MYO6: variants seen among roughly 807,000 people sequenced by gnomAD.
MYO6 encodes myosin VI, also known as unconventional myosin-VI.
A neutral mutation model predicts 178.7 loss-of-function variants in MYO6; 74 were observed. The observed-to-expected ratio is 0.41, with a 90% CI of 0.34 to 0.50. MYO6 has a LOEUF of 0.50. MYO6 is among the 20% of genes least tolerant of loss of function. The probability of loss-of-function intolerance (pLI) is 0.09; values close to 1 mark genes in which losing one functional copy is unlikely to be tolerated. For synonymous variants in MYO6, 477 were observed against 504.6 expected (o/e 0.95, Z 0.73); for missense variants, 1,330 against 1,547.4 (o/e 0.86, Z 2.36).
intron 7 of MYO6, among the ~76,000 whole-genome samples, chr6:75,838,923 G>A (rs1423704419): frequency 6.6e-6 from 1 of 151,984 alleles, no homozygotes; most frequent in Non-Finnish European, 1.5e-5. Flanking sequence ...GCCTCCCAAA[G>A]TGCTGGGATT....
At chr6:75,886,780 A>G (rs1194174976) in intron 24 of MYO6, 64 bp from the exon 25 acceptor site, 2 of 1,494,956 alleles carry the variant, frequency 1.3e-6, no homozygotes, top group Non-Finnish European at 1.9e-6. Flanking sequence ...CATTTTATAA[A>G]TGAAAAATCT....
chr6:75,752,284 A>G (rs535814426), intron 1 of MYO6, among the ~76,000 whole-genome samples: 1 of 152,346 alleles, frequency 6.6e-6, no homozygotes, highest in South Asian at 2.1e-4. Flanking sequence ...ATAGAGTTTA[A>G]TTATGATACC....
At chr6:75,827,964 T>C (rs974947592) in intron 3 of MYO6, among the ~76,000 whole-genome samples, 1 of 152,228 alleles carries the variant, frequency 6.6e-6, no homozygotes, top group Non-Finnish European at 1.5e-5. Flanking sequence ...GAGTCAGTTC[T>C]GACACTTCAG....
chr6:75,781,321 C>G lies in MYO6; in HGVS notation c.-48+31898C>G, dbSNP rs372950343. Among the ~76,000 whole-genome samples, 112 of 152,118 alleles carry G rather than the reference C, an allele frequency of 7.4e-4. No homozygotes were observed. In the South Asian group the frequency reaches 0.011, roughly 15 times the overall value. On this transcript the variant is annotated intron_variant, in intron 1 of 34. Coordinates refer to ENST00000369977, the MANE Select transcript of MYO6 (RefSeq NM_004999.4). The stretch of plus-strand genomic sequence containing the variant: ...GGAGAGATTTGCTTAATTTTTGAAG[C>G]AGAGAGTAGAAATGCAATACAGGAA...
chr6:75,760,951 A>AT (rs112143137), intron 1 of MYO6, among the ~76,000 whole-genome samples: 18 of 151,246 alleles, frequency 1.2e-4, no homozygotes, highest in African/African-American at 2.7e-4. Context: ...CTTCCTTGTT[A>AT]TTTTTTTTCT....
intron 30 of MYO6, among the ~76,000 whole-genome samples, chr6:75,901,858 G>A (rs1399383958): frequency 2.0e-5 from 3 of 152,142 alleles, no homozygotes; most frequent in African/African-American, 7.2e-5. Context: ...ATTGGCTGTG[G>A]GTTTGTCATA....
intron 7 of MYO6, among the ~76,000 whole-genome samples, chr6:75,836,941 C>A (rs1019648735): frequency 6.6e-6 from 1 of 152,144 alleles, no homozygotes; most frequent in African/African-American, 2.4e-5. Context: ...CAACATCATG[C>A]CCTAGATTCA....
Position 75,915,326 on chromosome 6 carries a change from A to G in MYO6, c.*314A>G, listed in dbSNP as rs1279297766. The G allele has an allele frequency of 2.6e-6, 1 of 382,252 alleles. No homozygotes were observed. The highest frequency in any genetic ancestry group is 2.1e-5 in the African/African-American group (1 of 48,656). The allele number at this position is 382,252 out of a possible 1,614,324, so 23.7% of individuals were successfully genotyped here. Reference sequence around the variant, plus strand: ...CTTACATCCATCGTAATTGTTCTCTAGGAAAAGAGAACTTTTTTCAAAATT... The same window carrying G: ...CTTACATCCATCGTAATTGTTCTCTGGGAAAAGAGAACTTTTTTCAAAATT... On this transcript the variant is annotated 3_prime_UTR_variant, in exon 35 of 35. Transcript: ENST00000369977.
At chr6:75,880,022 T>A in intron 21 of MYO6, 21 bp from the exon 22 acceptor site, 1 of 1,613,306 alleles carries the variant, frequency 6.2e-7, no homozygotes, top group Non-Finnish European at 8.5e-7. Flanking sequence ...GACATTTAAC[T>A]TTTTAACTTT....
chr6:75,878,735 G>A (rs1460006756), intron 20 of MYO6, among the ~76,000 whole-genome samples: 1 of 152,136 alleles, frequency 6.6e-6, no homozygotes, highest in African/African-American at 2.4e-5. Context: ...TTTTCCAAAT[G>A]GCTTGCCGTT....
At chr6:75,810,037 T>A (rs1657494669) in intron 1 of MYO6, among the ~76,000 whole-genome samples, 1 of 149,998 alleles carries the variant, frequency 6.7e-6, no homozygotes, top group Non-Finnish European at 1.5e-5. Context: ...TGAGCCCAGA[T>A]TGCCCCATTG....
In MYO6 at chr6:75,892,661, T is replaced by C; in HGVS notation, c.3078T>C (p.Asp1026=). The change falls in exon 28 of 35, where the codon GAT becomes GAC. Residue 1026 remains aspartate, a synonymous_variant. Coordinates refer to ENST00000369977, the MANE Select transcript of MYO6 (RefSeq NM_004999.4). The part of the protein sequence containing the change: ...IAQSEAELIS[D]EAQADLALRR... ...AGAGTGAAGCCGAGCTCATCAGTGA[T>C]GAGGCCCAGGCCGACCTGGCGCTGC... 1 of 1,612,648 alleles carries C rather than the reference T, an allele frequency of 6.2e-7. No homozygotes were observed.
chr6:75,808,364 G>A (rs576924002), intron 1 of MYO6, among the ~76,000 whole-genome samples: 14 of 152,024 alleles, frequency 9.2e-5, no homozygotes, highest in East Asian at 1.9e-4. Context: ...GCATGTACTC[G>A]GACAGAGATC....
intron 1 of MYO6, among the ~76,000 whole-genome samples, chr6:75,760,525 G>T (rs1160126918): frequency 6.6e-6 from 1 of 152,122 alleles, no homozygotes; most frequent in Non-Finnish European, 1.5e-5. Context: ...AAGCCGTATT[G>T]TGCAGGGTTG....
intron 6 of MYO6, among the ~76,000 whole-genome samples, chr6:75,833,477 A>C (rs1773334234): frequency 6.6e-6 from 1 of 152,104 alleles, no homozygotes; most frequent in Admixed American, 6.5e-5. Flanking sequence ...TTATCCACTC[A>C]CCTAGCAACC....
intron 6 of MYO6, among the ~76,000 whole-genome samples, chr6:75,834,980 A>G (rs1472216597): frequency 1.1e-4 from 16 of 152,226 alleles, no homozygotes; most frequent in Non-Finnish European, 1.5e-5. Context: ...TTATAAACTT[A>G]TAATATGAAC....
At chr6:75,880,262 A>G (rs1777906664) in intron 22 of MYO6, 142 bp downstream of exon 22, 1 of 698,842 alleles carries the variant, frequency 1.4e-6, no homozygotes, top group Non-Finnish European at 2.4e-6. Context: ...TTTCCATACC[A>G]TTTCTCAGAA....
At chr6:75,792,908 C>G (rs1206588538) in intron 1 of MYO6, among the ~76,000 whole-genome samples, 7 of 152,054 alleles carry the variant, frequency 4.6e-5, no homozygotes, top group Non-Finnish European at 8.8e-5. Context: ...CTTAGCCTCT[C>G]AAATGGTTGG....
intron 1 of MYO6, among the ~76,000 whole-genome samples, chr6:75,780,457 AAAAT>A (rs1431683708): frequency 2.0e-5 from 3 of 152,128 alleles, no homozygotes; most frequent in Non-Finnish European, 4.4e-5. Context: ...TAAATAAAAT[AAAAT>A]AAATAAATAT....
Sources: gnomAD v4.1 joint callset for allele counts (sites outside exome capture counted in the v4.1 genomes callset) on GRCh38, gnomAD v4.1.1 for gene constraint, MANE v1.5 for transcripts, NCBI Gene and HGNC (gene_info 2026-07-23, HGNC 2026-07-21) for gene names.